Variants in PCDHGA6 observed in about 807,000 individuals in gnomAD.
PCDHGA6 encodes protocadherin gamma-A6.
Under a neutral mutation model 60.6 loss-of-function variants are expected in PCDHGA6, and 41 were observed. That is an observed-to-expected ratio of 0.68 (90% CI 0.53 to 0.88). PCDHGA6 has a LOEUF of 0.88. Ranked by LOEUF, PCDHGA6 falls within the 40% of genes least tolerant of loss-of-function variation. The probability of loss-of-function intolerance (pLI) is 0.00; values close to 1 mark genes in which losing one functional copy is unlikely to be tolerated. For missense variants in PCDHGA6, 1,312 were observed against 1,203.0 expected, an observed-to-expected ratio of 1.09 and a Z score of -1.34; for synonymous variants, 594 against 524.4, an observed-to-expected ratio of 1.13 and a Z score of -1.81.
intron 1 of PCDHGA6, among the ~76,000 whole-genome samples, chr5:141,445,924 A>G (rs1451439271): frequency 6.6e-6 from 1 of 152,184 alleles, no homozygotes; most frequent in Non-Finnish European, 1.5e-5. Flanking sequence ...GTGACAAGAT[A>G]TTTGAATTAT....
chr5:141,376,060 G>T lies in PCDHGA6; in HGVS notation c.1977G>T (p.Thr659=), dbSNP rs375877156. Reference sequence around the variant, plus strand: ...AGCCCCCTCTCTCCGCCACTGTCACGCTCACCGTGGCCGTGGCCGACAGGA... The same window carrying T: ...AGCCCCCTCTCTCCGCCACTGTCACTCTCACCGTGGCCGTGGCCGACAGGA... ...HGQPPLSATV[T]LTVAVADRIP... The change falls in exon 1 of 4, where the codon ACG becomes ACT. Residue 659 remains threonine, a synonymous_variant. Transcript: ENST00000517434. 3.7e-5 allele frequency: 60 copies of T among 1,613,348 alleles called. No homozygotes were observed. The African/African-American group carries it at 7.5e-4, about 20-fold the overall frequency.
chr5:141,374,885 G>T lies in PCDHGA6; in HGVS notation c.802G>T (p.Asp268Tyr). ...GTPVLAVTAT[D>Y]QDEGVHGEVT... ...ACCAGTGTTGGCAGTGACTGCCACC[G>T]ACCAGGATGAAGGAGTCCACGGGGA... Residue 268 changes from aspartate to tyrosine, a missense_variant, in exon 1 of 4, where the codon GAC (aspartate) becomes TAC (tyrosine). By Grantham distance (160) the Asp-to-Tyr change is radical (BLOSUM62 -3). Coordinates refer to ENST00000517434, the MANE Select transcript of PCDHGA6 (RefSeq NM_018919.3). 6.2e-7 allele frequency: 1 copy of T among 1,613,628 alleles called. No individual in the cohort carries two copies. The highest frequency in any genetic ancestry group is 1.1e-5 in the South Asian group (1 of 91,054).
intron 1 of PCDHGA6, among the ~76,000 whole-genome samples, chr5:141,465,276 C>A (rs558169180): frequency 6.6e-6 from 1 of 152,254 alleles, no homozygotes; most frequent in South Asian, 2.1e-4. Context: ...CCATTTAGTT[C>A]ACCCCTAAAG....
intron 1 of PCDHGA6, among the ~76,000 whole-genome samples, chr5:141,462,538 C>G (rs565849689): frequency 1.3e-5 from 2 of 152,102 alleles, no homozygotes; most frequent in South Asian, 2.1e-4. Context: ...GTTCAGTGAT[C>G]TTTTCTTCTT....
At chr5:141,419,552 C>T in intron 1 of PCDHGA6, 1 of 1,612,014 alleles carries the variant, frequency 6.2e-7, no homozygotes, top group Non-Finnish European at 8.5e-7. Flanking sequence ...GGTGCTGTAC[C>T]CTGCGCTGGG....
chr5:141,418,125 G>T (rs765373450), intron 1 of PCDHGA6: 7 of 1,613,968 alleles, frequency 4.3e-6, no homozygotes, highest in African/African-American at 2.7e-5. Flanking sequence ...GTGAAGGACC[G>T]AATAGACCGT....
intron 1 of PCDHGA6, among the ~76,000 whole-genome samples, chr5:141,448,838 T>C (rs2098609981): frequency 6.6e-6 from 1 of 151,802 alleles, no homozygotes; most frequent in Non-Finnish European, 1.5e-5. Flanking sequence ...CCAGCTACTC[T>C]GGAGGCTGAG....
chr5:141,431,604 G>C lies in PCDHGA6; in HGVS notation c.2424+55097G>C. 1 of 1,614,206 alleles carries C rather than the reference G, an allele frequency of 6.2e-7. No individual in the cohort carries two copies. Among genetic ancestry groups the C allele is most frequent in the South Asian group, 1.1e-5 (1 of 91,088 alleles). On this transcript the variant is annotated intron_variant, in intron 1 of 3. Coordinates refer to ENST00000517434, the MANE Select transcript of PCDHGA6 (RefSeq NM_018919.3). The surrounding 1 kb of genome is among the most constrained non-coding windows in gnomAD (Gnocchi z 4.8). ...AATGCGGAAGTGAGGTATTCCTTCC[G>C]GTATGTGGACGACAAGGCGGCCCAA...
intron 1 of PCDHGA6, chr5:141,400,723 C>A (rs1317017521): frequency 6.1e-6 from 4 of 660,798 alleles, no homozygotes; most frequent in Non-Finnish European, 7.7e-6. Flanking sequence ...TATAGATTTA[C>A]AAAGTAGTGA....
At position 141,385,580 on chromosome 5, in the gene PCDHGA6, A is replaced by G. The variant is rs2090291043; in HGVS notation, c.2424+9073A>G. On this transcript the variant is annotated intron_variant, in intron 1 of 3. Transcript: ENST00000517434. Reference sequence around the variant, plus strand: ...ATAATTTCCACCTACTTTCCAATCTATGTTCCAACCTACTTTCTTAACTCA... The same window carrying G: ...ATAATTTCCACCTACTTTCCAATCTGTGTTCCAACCTACTTTCTTAACTCA... The G allele has an allele frequency of 4.7e-6, 6 of 1,280,456 alleles. No individual in the cohort carries two copies. The South Asian group carries it at 1.2e-4, about 25-fold the overall frequency. The allele number at this position is 1,280,456 out of a possible 1,614,324, so 79.3% of individuals were successfully genotyped here.
At chr5:141,419,775 G>C in intron 1 of PCDHGA6, 1 of 1,614,016 alleles carries the variant, frequency 6.2e-7, no homozygotes, top group Non-Finnish European at 8.5e-7. Flanking sequence ...GACTCGGTCC[G>C]CCAGCGCCTG....
In PCDHGA6 at chr5:141,432,293, G is replaced by A; in HGVS notation, c.2424+55786G>A. On this transcript the variant is annotated intron_variant, in intron 1 of 3. Transcript: ENST00000517434. The surrounding 1 kb of genome is among the most constrained non-coding windows in gnomAD (Gnocchi z 6.0). ...CTACGTGTCCATCAACTCCGACACT[G>A]GGGTACTGTATGCGCTGAGCTCCTT... 1 of 1,614,254 alleles carries A rather than the reference G, an allele frequency of 6.2e-7. No homozygotes were observed. Among genetic ancestry groups the A allele is most frequent in the Non-Finnish European group, 8.5e-7 (1 of 1,180,040 alleles).
At chr5:141,419,889 A>T in intron 1 of PCDHGA6, 1 of 1,614,084 alleles carries the variant, frequency 6.2e-7, no homozygotes, top group Middle Eastern at 1.6e-4. Flanking sequence ...GATTTCAGCG[A>T]CCATCCCACA....
Position 141,490,140 on chromosome 5 carries a change from G to T in PCDHGA6, c.2425-4667G>T. On this transcript the variant is annotated intron_variant, in intron 1 of 3. Transcript: ENST00000517434. This position sits in a 1 kb window ranked among gnomAD's most constrained non-coding sequence, Gnocchi z 5.4. Reference sequence around the variant, plus strand: ...TCTTTGGCCTAGACCCTAGCAGTGGGGCAATCCATGTGTTGGGTCCCATAG... The same window carrying T: ...TCTTTGGCCTAGACCCTAGCAGTGGTGCAATCCATGTGTTGGGTCCCATAG... 1 of 1,614,206 alleles carries T rather than the reference G, an allele frequency of 6.2e-7. No homozygotes were observed. The highest frequency in any genetic ancestry group is 8.5e-7 in the Non-Finnish European group (1 of 1,180,026).
chr5:141,409,928 G>C (rs2095338081), intron 1 of PCDHGA6: 1 of 1,613,354 alleles, frequency 6.2e-7, no homozygotes, highest in Non-Finnish European at 8.5e-7. Context: ...CGCGTTCTTC[G>C]ATATGGTACC....
At chr5:141,505,015 A>G (rs965107997) in intron 2 of PCDHGA6, among the ~76,000 whole-genome samples, 1 of 152,160 alleles carries the variant, frequency 6.6e-6, no homozygotes, top group Admixed American at 6.5e-5. Flanking sequence ...TACAAAAATT[A>G]GCCTGGCACA....
chr5:141,492,026 G>A, intron 1 of PCDHGA6: 1 of 567,198 alleles, frequency 1.8e-6, no homozygotes, highest in South Asian at 2.9e-5. Flanking sequence ...GGGGTCCCGG[G>A]AGGAGGCAGT....
At chr5:141,393,246 A>G (rs1434145740) in intron 1 of PCDHGA6, 2 of 1,613,694 alleles carry the variant, frequency 1.2e-6, no homozygotes, top group Non-Finnish European at 1.7e-6. Flanking sequence ...AATTAACGAA[A>G]TCGCGGTTCC....
rs11575953 is a variant in PCDHGA6, at chr5:141,374,825, C to G, written c.742C>G (p.Arg248Gly). Residue 248 changes from arginine to glycine, a missense_variant, in exon 1 of 4, where the codon CGT (arginine) becomes GGT (glycine). Arg to Gly is a moderately radical substitution (Grantham distance 125, BLOSUM62 -2). Transcript: ENST00000517434. ...TCCAATGTTTACTCAGCCTGTCTAC[C>G]GTGTAAGTGTTCCTGAAAACCTGCC... ...NTPMFTQPVY[R>G]VSVPENLPVG... The G allele has an allele frequency of 9.3e-6, 15 of 1,613,780 alleles. No individual in the cohort carries two copies. Among genetic ancestry groups the G allele is most frequent in the Middle Eastern group, 1.6e-4 (1 of 6,084 alleles).
Sources: gnomAD v4.1 joint callset for allele counts (sites outside exome capture counted in the v4.1 genomes callset) on GRCh38, gnomAD v4.1.1 for gene constraint, Gnocchi (gnomAD v3.1) non-coding constraint, MANE v1.5 for transcripts, NCBI Gene and HGNC (gene_info 2026-07-23, HGNC 2026-07-21) for gene names.